The following PCNP variants were observed in gnomAD, a reference collection of about 807,000 sequenced individuals.
PCNP encodes PEST proteolytic signal containing nuclear protein.
Under a neutral mutation model 21.8 loss-of-function variants are expected in PCNP, and 6 were observed. That is an observed-to-expected ratio of 0.28 (90% confidence interval 0.15 to 0.54). The LOEUF is 0.54. Among genes scored for constraint, PCNP ranks in the 20% least tolerant of loss-of-function variants. The probability of loss-of-function intolerance (pLI) is 0.95; values close to 1 mark genes in which losing one functional copy is unlikely to be tolerated. For synonymous variants in PCNP, 67 were observed against 73.2 expected (o/e 0.92, Z 0.43); for missense variants, 161 against 215.5 (o/e 0.75, Z 1.58).
At chr3:101,591,430 G>C (rs1442273379) in intron 4 of PCNP, among the ~76,000 whole-genome samples, 1 of 152,154 alleles carries the variant, frequency 6.6e-6, no homozygotes, top group African/African-American at 2.4e-5. Flanking sequence ...CTATACACAA[G>C]CGTAAGTCTC....
intron 2 of PCNP, among the ~76,000 whole-genome samples, chr3:101,582,283 T>C (rs1576611884): frequency 6.6e-6 from 1 of 152,022 alleles, no homozygotes; most frequent in Non-Finnish European, 1.5e-5. Flanking sequence ...TGAAACTCCA[T>C]CTCTACTAAA....
Position 101,579,816 on chromosome 3 carries a change from G to A in PCNP, c.91G>A (p.Val31Met). The A allele has an allele frequency of 2.5e-6, 4 of 1,614,110 alleles. No homozygotes were observed. Among genetic ancestry groups the A allele is most frequent in the Non-Finnish European group, 3.4e-6 (4 of 1,179,938 alleles). Residue 31 changes from valine (V) to methionine (M), a missense_variant, in exon 2 of 5, where the codon GTG becomes ATG. Transcript: ENST00000265260. ...ACCTGAAGAAGAAGCAGAAAAACCT[G>A]TGAAAACTAAGACTGTTTCTTCCAG... Reference protein sequence around the residue: ...GGPEEEAEKPVKTKTVSSSNG... With the variant: ...GGPEEEAEKPMKTKTVSSSNG...
At chr3:101,591,090 A>G (rs1307817234) in intron 4 of PCNP, among the ~76,000 whole-genome samples, 1 of 152,204 alleles carries the variant, frequency 6.6e-6, no homozygotes, top group African/African-American at 2.4e-5. Context: ...CACTTACGAT[A>G]TAATTTCTAC....
chr3:101,582,036 G>A (rs753183987), intron 2 of PCNP, among the ~76,000 whole-genome samples: 16 of 149,320 alleles, frequency 1.1e-4, no homozygotes, highest in African/African-American at 2.0e-4. Flanking sequence ...CACCACGCCC[G>A]GCCTACTCTT....
chr3:101,580,682 CTTTGT>C (rs1430607146), intron 2 of PCNP, among the ~76,000 whole-genome samples: 1 of 152,020 alleles, frequency 6.6e-6, no homozygotes, highest in Non-Finnish European at 1.5e-5. Context: ...ATATTTGATC[CTTTGT>C]TTTAAGATGT....
At chr3:101,590,000 C>A in intron 3 of PCNP, 1 of 499,426 alleles carries the variant, frequency 2.0e-6, no homozygotes, top group Non-Finnish European at 3.6e-6. Context: ...GTTTTTTCAG[C>A]AGTTTTTTTT....
In PCNP at chr3:101,586,753, A is replaced by G. The variant is rs375075191; in HGVS notation, c.354+1242A>G. Among the ~76,000 whole-genome samples, 188 of 151,912 alleles carry G rather than the reference A, an allele frequency of 1.2e-3. 1 individual carries two copies. Among genetic ancestry groups the G allele is most frequent in the African/African-American group, 4.3e-3 (179 of 41,428 alleles). Reference sequence around the variant, plus strand: ...AGCTGGACCACAGGCATGCCCCACCATGTTGCCCAGGCTGGTCTCAAACTC... The same window carrying G: ...AGCTGGACCACAGGCATGCCCCACCGTGTTGCCCAGGCTGGTCTCAAACTC... On this transcript the variant is annotated intron_variant, in intron 3 of 4. Coordinates refer to ENST00000265260, the MANE Select transcript of PCNP (RefSeq NM_020357.3).
At chr3:101,577,564 G>A (rs1015056930) in intron 1 of PCNP, among the ~76,000 whole-genome samples, 5 of 152,098 alleles carry the variant, frequency 3.3e-5, no homozygotes, top group Admixed American at 1.3e-4. Flanking sequence ...ACGCTCTGTC[G>A]CCCAAGCTGG....
intron 4 of PCNP, among the ~76,000 whole-genome samples, chr3:101,591,578 TTAAACA>T (rs1423354001): frequency 2.0e-5 from 3 of 152,188 alleles, no homozygotes; most frequent in Admixed American, 6.5e-5. Flanking sequence ...ATTAATATAG[TTAAACA>T]TAAATAATTG....
intron 4 of PCNP, among the ~76,000 whole-genome samples, chr3:101,591,518 G>A (rs1160633414): frequency 1.5e-4 from 23 of 152,198 alleles, no homozygotes; most frequent in Non-Finnish European, 5.9e-5. Context: ...TGAGCGTAAA[G>A]TAGGAAGTAC....
intron 1 of PCNP, chr3:101,576,895 G>T (rs1451427816): frequency 8.7e-6 from 14 of 1,605,612 alleles, no homozygotes; most frequent in Non-Finnish European, 1.2e-5. Context: ...ATCGATGTTG[G>T]TGTTGAGTAC....
rs1934729365 is a variant in PCNP, at chr3:101,574,231, G to A, written c.16G>A (p.Ala6Thr). The A allele has an allele frequency of 3.2e-6, 5 of 1,549,806 alleles. No homozygotes were observed. The East Asian group carries it at 7.4e-5, about 23-fold the overall frequency. Residue 6 changes from alanine (A) to threonine (T), a missense_variant, in exon 1 of 5, where the codon GCG becomes ACG. Physicochemically the swap from Ala to Thr is moderately conservative, Grantham distance 58. Coordinates refer to ENST00000265260, the MANE Select transcript of PCNP (RefSeq NM_020357.3). ...GGCGGGGAAAATGGCGGACGGGAAG[G>A]CGGGAGACGAGAAGCCTGAAAAGTC... MADGKAGDEKPEKSQR... is the reference protein window; with the variant it reads MADGKTGDEKPEKSQR...
Position 101,592,564 on chromosome 3 carries a change from CAA to C in PCNP, c.411-60_411-59del, listed in dbSNP as rs1182193324. The C allele has an allele frequency of 2.9e-6, 4 of 1,361,786 alleles. No homozygotes were observed. The African/African-American group carries it at 5.9e-5, about 20-fold the overall frequency. 84.4% of individuals were successfully genotyped at this position (1,361,786 alleles called of 1,614,324 possible). ...CTAAACAAACATGTATTGAATGAAT[CAA>C]AATCATAACCTGAAAGGCTTTATAT... On this transcript the variant is annotated intron_variant, in intron 4 of 4. Transcript: ENST00000265260.
At chr3:101,582,127 T>C (rs998986640) in intron 2 of PCNP, among the ~76,000 whole-genome samples, 3 of 149,838 alleles carry the variant, frequency 2.0e-5, no homozygotes, top group Non-Finnish European at 4.5e-5. Flanking sequence ...TCAGTAAAAC[T>C]TTTTAGTTTT....
At chr3:101,576,813 C>G in intron 1 of PCNP, 1 of 1,610,452 alleles carries the variant, frequency 6.2e-7, no homozygotes, top group Non-Finnish European at 8.5e-7. Flanking sequence ...CTGCTTTCCT[C>G]AACACCACAT....
At chr3:101,577,013 G>A (rs562786436) in intron 1 of PCNP, 1 of 812,170 alleles carries the variant, frequency 1.2e-6, no homozygotes, top group Non-Finnish European at 2.2e-6. Context: ...TTTTAGTAGA[G>A]ACGAGATTTC....
At chr3:101,583,176 G>A (rs1344349506) in intron 2 of PCNP, among the ~76,000 whole-genome samples, 1 of 152,036 alleles carries the variant, frequency 6.6e-6, no homozygotes, top group Non-Finnish European at 1.5e-5. Context: ...AGTAAACAAG[G>A]CTGGGCGCGG....
chr3:101,588,256 G>C (rs1200330905), intron 3 of PCNP, among the ~76,000 whole-genome samples: 1 of 152,144 alleles, frequency 6.6e-6, no homozygotes, highest in Non-Finnish European at 1.5e-5. Flanking sequence ...GGGCAACAGA[G>C]CAAGACTCCA....
rs902280898 is a variant in PCNP at position 101,574,190 on chromosome 3, C to T, written c.-26C>T. On this transcript the variant is annotated 5_prime_UTR_variant, in exon 1 of 5. Coordinates refer to ENST00000265260, the MANE Select transcript of PCNP (RefSeq NM_020357.3). ...CGGGGTCGTGACGTCCTTGGCGTGG[C>T]TGCAGGGGAGGCCGCGGCGGGGAAA... 3.9e-6 allele frequency: 6 copies of T among 1,548,632 alleles called. No individual in the cohort carries two copies. The highest frequency in any genetic ancestry group is 5.2e-6 in the Non-Finnish European group (6 of 1,145,538).
Sources: gnomAD v4.1 joint callset for allele counts (sites outside exome capture counted in the v4.1 genomes callset) on GRCh38, gnomAD v4.1.1 for gene constraint, MANE v1.5 for transcripts, NCBI Gene and HGNC (gene_info 2026-07-23, HGNC 2026-07-21) for gene names.